PIWIL1: variants seen among roughly 807,000 people sequenced by gnomAD.
PIWIL1 encodes the protein piwi-like protein 1.
In PIWIL1, 73 loss-of-function variants were observed where a neutral mutation model predicts 114.4. That is an observed-to-expected ratio of 0.64 (90% CI 0.53 to 0.78). The LOEUF (loss-of-function observed/expected upper bound fraction) is 0.78, where lower values mean the gene tolerates loss of function less well. PIWIL1 is among the 30% of genes least tolerant of loss of function. The pLI is 0.00. For synonymous variants in PIWIL1, 375 were observed against 369.0 expected (o/e 1.02, Z -0.19); for missense variants, 723 against 1,063.1 (o/e 0.68, Z 4.45).
At chr12:130,412,038 C>T in the PIWIL1 span, among the ~76,000 whole-genome samples, 27 of 151,714 alleles carry the variant, frequency 1.8e-4, no homozygotes, top group African/African-American at 6.5e-4. Context: ...TTAATGAGGA[C>T]ATTGTTATTG....
chr12:130,417,425 G>A, the PIWIL1 span, among the ~76,000 whole-genome samples: 2 of 152,184 alleles, frequency 1.3e-5, no homozygotes, highest in Admixed American at 6.5e-5. Context: ...ACAAAATCAC[G>A]TCCTCTGCAG....
the PIWIL1 span, chr12:130,399,588 C>T: frequency 2.1e-6 from 3 of 1,460,842 alleles, no homozygotes; most frequent in South Asian, 1.4e-5. Context: ...GCTTTTCGGC[C>T]CAAGATATAA....
At chr12:130,343,621 CTTTTT>C (rs533583982) in intron 3 of PIWIL1, among the ~76,000 whole-genome samples, 1,655 of 116,424 alleles carry the variant, frequency 0.014, 16 homozygotes, top group African/African-American at 0.042. Context: ...TTGAAGGATT[CTTTTT>C]TTTTTTTTTT....
chr12:130,411,867 T>G, the PIWIL1 span, among the ~76,000 whole-genome samples: 1 of 152,216 alleles, frequency 6.6e-6, no homozygotes, highest in African/African-American at 2.4e-5. Context: ...CTTAAAATTA[T>G]GTATATTCTT....
At chr12:130,349,507 T>C (rs2073157077) in intron 8 of PIWIL1, 71 bp downstream of exon 8, 1 of 1,018,054 alleles carries the variant, frequency 9.8e-7, no homozygotes, top group Non-Finnish European at 1.5e-6. Flanking sequence ...AGTTCTACCA[T>C]GTTAAGAAAT....
At chr12:130,368,920 AC>A (rs756960908) in intron 19 of PIWIL1, among the ~76,000 whole-genome samples, 4 of 151,542 alleles carry the variant, frequency 2.6e-5, no homozygotes, top group Non-Finnish European at 5.9e-5. Flanking sequence ...TCCGAGACAC[AC>A]GTGCAGGACG....
Position 130,357,035 on chromosome 12 carries a change from G to T in PIWIL1, c.1522G>T (p.Ala508Ser). 1.2e-6 allele frequency: 2 copies of T among 1,613,780 alleles called. No homozygotes were observed. The highest frequency in any genetic ancestry group is 1.7e-6 in the Non-Finnish European group (2 of 1,179,876). Residue 508 changes from alanine (A) to serine (S), a missense_variant, in exon 13 of 21, where the codon GCC becomes TCC. Ala to Ser is a moderately conservative substitution (Grantham distance 99, BLOSUM62 1). Around this residue, in one of 8 missense-constraint regions of PIWIL1, gnomAD observed 298 missense variants for 420.8 expected, o/e 0.71. Transcript: ENST00000245255. Reference protein sequence around the residue: ...LIYTRRNYEAANSLIQNLFKV... With the variant: ...LIYTRRNYEASNSLIQNLFKV... Reference sequence around the variant, plus strand: ...CTATACGCGAAGAAATTATGAAGCAGCCAATTCATTGATACAAAATCTATT... The same window carrying T: ...CTATACGCGAAGAAATTATGAAGCATCCAATTCATTGATACAAAATCTATT...
intron 1 of PIWIL1, chr12:130,339,563 G>C (rs2072840958): frequency 6.6e-6 from 1 of 152,232 alleles, no homozygotes; most frequent in African/African-American, 2.4e-5. Flanking sequence ...AGCGAGTGTG[G>C]TTATTGGAAG....
chr12:130,374,777 C>T (rs1030551785), downstream of PIWIL1, among the ~76,000 whole-genome samples: 2 of 152,216 alleles, frequency 1.3e-5, no homozygotes, highest in African/African-American at 4.8e-5. Context: ...GTATTTCAGG[C>T]TCATCTCTGA....
At chr12:130,413,960 C>G in the PIWIL1 span, among the ~76,000 whole-genome samples, 1 of 152,234 alleles carries the variant, frequency 6.6e-6, no homozygotes, top group African/African-American at 2.4e-5. Context: ...TTGCAGAGGG[C>G]AGGGCCCTTG....
downstream of PIWIL1, among the ~76,000 whole-genome samples, chr12:130,375,418 A>T (rs940862601): frequency 6.6e-6 from 1 of 151,912 alleles, no homozygotes; most frequent in Non-Finnish European, 1.5e-5. Flanking sequence ...CACCACCACC[A>T]CCTCCATCCG....
chr12:130,383,030 A>G, the PIWIL1 span, among the ~76,000 whole-genome samples: 1 of 152,214 alleles, frequency 6.6e-6, no homozygotes, highest in Non-Finnish European at 1.5e-5. Context: ...TGATTACTCA[A>G]CAAGATAGAT....
Position 130,362,749 on chromosome 12 carries a change from T to C in PIWIL1, c.1971-17T>C, listed in dbSNP as rs1226236687. The C allele has an allele frequency of 6.2e-7, 1 of 1,609,574 alleles. No homozygotes were observed. On this transcript the variant is annotated splice_polypyrimidine_tract_variant and intron_variant, in intron 16 of 20. Transcript: ENST00000245255. ...GACAATTGCATTCTTATTCTAGCTG[T>C]GTTTTTCTCTGAATAGCTGGTTCTC...
the PIWIL1 span, among the ~76,000 whole-genome samples, chr12:130,404,612 TAAGA>T: frequency 1.3e-5 from 2 of 152,192 alleles, no homozygotes; most frequent in Non-Finnish European, 2.9e-5. Flanking sequence ...AGAGTAAACT[TAAGA>T]TATATAAAGG....
In PIWIL1 at chr12:130,361,540, A is replaced by T. The variant is rs1029946031; in HGVS notation, c.1909A>T (p.Met637Leu). 1.4e-5 allele frequency: 23 copies of T among 1,614,230 alleles called. No homozygotes were observed. Among genetic ancestry groups the T allele is most frequent in the Middle Eastern group, 1.6e-4 (1 of 6,062 alleles). The change falls in exon 16 of 21, where the codon ATG becomes TTG. Residue 637 changes from methionine (M) to leucine (L), a missense_variant. Around this residue, in one of 8 missense-constraint regions of PIWIL1, gnomAD observed 298 missense variants for 420.8 expected, o/e 0.71. Transcript: ENST00000245255. ...CGTTGGCATCGATTGTTACCATGAC[A>T]TGACAGCTGGGCGGAGGTCAATCGC... ...MIVGIDCYHDMTAGRRSIAGF... is the reference protein window; with the variant it reads ...MIVGIDCYHDLTAGRRSIAGF...
rs751524450 is a variant in PIWIL1 at position 130,362,984 on chromosome 12, G to C, written c.2042-7G>C. The C allele has an allele frequency of 8.7e-6, 14 of 1,613,564 alleles. No homozygotes were observed. The highest frequency in any genetic ancestry group is 1.2e-5 in the Non-Finnish European group (14 of 1,179,564). ...AATTGACATAAAACTTCTCTGGCCTGTTTCAGCGGCTCTGAGGGCTTGGAA... is the reference window on the plus strand; with the variant it reads ...AATTGACATAAAACTTCTCTGGCCTCTTTCAGCGGCTCTGAGGGCTTGGAA... On this transcript the variant is annotated splice_polypyrimidine_tract_variant and splice_region_variant and intron_variant, in intron 17 of 20. Transcript: ENST00000245255.
chr12:130,398,469 A>G, the PIWIL1 span: 1 of 152,678 alleles, frequency 6.5e-6, no homozygotes, highest in African/African-American at 2.4e-5. Flanking sequence ...GATACCATCT[A>G]TTCCATCTAA....
intron 9 of PIWIL1, among the ~76,000 whole-genome samples, chr12:130,350,649 C>T (rs556520590): frequency 2.6e-5 from 4 of 152,258 alleles, no homozygotes; most frequent in African/African-American, 7.2e-5. Context: ...ATCCTTAGAA[C>T]GTCACATTCC....
At chr12:130,378,145 G>A in the PIWIL1 span, among the ~76,000 whole-genome samples, 2 of 152,092 alleles carry the variant, frequency 1.3e-5, no homozygotes. Flanking sequence ...TCCCACAAAG[G>A]TTCCATCTTG....
Sources: gnomAD v4.1 joint callset for allele counts (sites outside exome capture counted in the v4.1 genomes callset) on GRCh38, gnomAD v4.1.1 for gene constraint, gnomAD v4.1.1 regional missense constraint, MANE v1.5 for transcripts, NCBI Gene and HGNC (gene_info 2026-07-23, HGNC 2026-07-21) for gene names.